The following CTNNA2 variants were observed in gnomAD, a reference collection of about 807,000 sequenced individuals.
CTNNA2 encodes catenin alpha 2.
CTNNA2 carries 42 observed loss-of-function variants against 101.0 expected under a neutral mutation model. The observed-to-expected ratio is 0.42, with a 90% CI of 0.32 to 0.54. CTNNA2 has a LOEUF of 0.54. Among genes scored for constraint, CTNNA2 ranks in the 20% least tolerant of loss-of-function variants. The probability of loss-of-function intolerance (pLI) is 0.14; values close to 1 mark genes in which losing one functional copy is unlikely to be tolerated. For missense variants in CTNNA2, 871 were observed against 1,223.1 expected (o/e 0.71, Z 4.29); for synonymous variants, 450 against 456.4 (o/e 0.99, Z 0.18).
intron 7 of CTNNA2, among the ~76,000 whole-genome samples, chr2:80,391,308 G>A (rs143481903): frequency 5.5e-4 from 84 of 152,164 alleles, no homozygotes; most frequent in Non-Finnish European, 7.9e-4. Context: ...AAAAGTGGTT[G>A]TATAGATATG....
chr2:80,003,951 G>A (rs976880079), intron 7 of CTNNA2, among the ~76,000 whole-genome samples: 2 of 152,164 alleles, frequency 1.3e-5, no homozygotes, highest in African/African-American at 4.8e-5. Flanking sequence ...GCATCACCCT[G>A]TCATCTCCCA....
At position 80,120,914 on chromosome 2, in the gene CTNNA2, A is replaced by G. The variant is rs112929869; in HGVS notation, c.1056+211117A>G. ...TGCCTCAATGATGGCCATCTTGGAT[A>G]AAACTAATAAATAAGTGGAGTGTGT... is the stretch of plus-strand genomic sequence containing the variant. On this transcript the variant is annotated intron_variant, in intron 7 of 18. Coordinates refer to ENST00000402739, the MANE Select transcript of CTNNA2 (RefSeq NM_001282597.3). Among the ~76,000 whole-genome samples the G allele has an allele frequency of 3.2e-3, 490 of 152,318 alleles. 3 individuals are homozygous for G. Among genetic ancestry groups the G allele is most frequent in the African/African-American group, 0.011 (444 of 41,578 alleles).
intron 2 of CTNNA2, among the ~76,000 whole-genome samples, chr2:79,210,426 T>C (rs900431549): frequency 6.6e-6 from 1 of 152,038 alleles, no homozygotes; most frequent in Non-Finnish European, 1.5e-5. Context: ...CCTGGAATGA[T>C]CTGATTGCCT....
chr2:79,983,953 A>G (rs1280580904), intron 7 of CTNNA2, among the ~76,000 whole-genome samples: 2 of 152,152 alleles, frequency 1.3e-5, no homozygotes, highest in East Asian at 1.9e-4. Flanking sequence ...TTTTTCAGAT[A>G]GGGACAACCT....
intron 2 of CTNNA2, among the ~76,000 whole-genome samples, chr2:79,708,553 A>G (rs185029360): frequency 6.6e-6 from 1 of 152,314 alleles, no homozygotes; most frequent in African/African-American, 2.4e-5. Context: ...AATTTAAAAA[A>G]CTACGAAATG....
chr2:79,390,025 C>T (rs1455454003), intron 4 of CTNNA2, among the ~76,000 whole-genome samples: 1 of 152,136 alleles, frequency 6.6e-6, no homozygotes, highest in Non-Finnish European at 1.5e-5. Context: ...TTCTTTCTCT[C>T]TCAACTCTTG....
intron 7 of CTNNA2, among the ~76,000 whole-genome samples, chr2:80,388,893 A>G (rs1244955074): frequency 1.3e-5 from 2 of 152,196 alleles, no homozygotes; most frequent in Admixed American, 1.3e-4. Context: ...TCAAATCCTT[A>G]GTTACTAGAC....
intron 6 of CTNNA2, among the ~76,000 whole-genome samples, chr2:79,900,194 C>G (rs1684984323): frequency 6.6e-6 from 1 of 152,018 alleles, no homozygotes; most frequent in African/African-American, 2.4e-5. Context: ...CTGTAAAATT[C>G]CAATTTTATT....
At chr2:79,494,966 G>A (rs189143298) in intron 4 of CTNNA2, among the ~76,000 whole-genome samples, 11 of 152,198 alleles carry the variant, frequency 7.2e-5, no homozygotes, top group Middle Eastern at 3.4e-3. Context: ...AGCTGGGCGT[G>A]GTTGCAGGCG....
chr2:80,579,894 C>CT (rs1695377925), intron 13 of CTNNA2, among the ~76,000 whole-genome samples: 1 of 152,212 alleles, frequency 6.6e-6, no homozygotes. Context: ...GAATGGGCAA[C>CT]TACATCATCG....
At chr2:79,470,330 C>T (rs7598481) in intron 4 of CTNNA2, among the ~76,000 whole-genome samples, 12,425 of 152,112 alleles carry the variant, frequency 0.082, 971 homozygotes, top group East Asian at 0.25. Flanking sequence ...AAACAATGCC[C>T]TGTCTCTAAA....
At chr2:79,648,966 T>C (rs939826791) in intron 1 of CTNNA2, among the ~76,000 whole-genome samples, 2 of 152,196 alleles carry the variant, frequency 1.3e-5, no homozygotes, top group Admixed American at 6.5e-5. Context: ...CTAAAAAGAT[T>C]GATCCTCAAA....
intron 2 of CTNNA2, among the ~76,000 whole-genome samples, chr2:79,202,906 G>A (rs1424583712): frequency 3.9e-5 from 6 of 152,138 alleles, no homozygotes; most frequent in Non-Finnish European, 8.8e-5. Context: ...AAAGCTTTGA[G>A]GTGAAAGAAG....
At chr2:79,954,578 G>T (rs1191278880) in intron 7 of CTNNA2, among the ~76,000 whole-genome samples, 1 of 152,152 alleles carries the variant, frequency 6.6e-6, no homozygotes, top group Admixed American at 6.5e-5. Flanking sequence ...CCTTCCAAGA[G>T]CATAATTAGA....
At chr2:79,271,272 T>C (rs1675076390) in intron 2 of CTNNA2, among the ~76,000 whole-genome samples, 1 of 152,018 alleles carries the variant, frequency 6.6e-6, no homozygotes, top group Non-Finnish European at 1.5e-5. Context: ...GTGGCCTTTA[T>C]ATGGGTGATA....
chr2:79,784,065 T>C (rs1371278570), intron 3 of CTNNA2, among the ~76,000 whole-genome samples: 3 of 152,168 alleles, frequency 2.0e-5, no homozygotes, highest in Admixed American at 6.5e-5. Flanking sequence ...CTAGAATAGA[T>C]CACGGTTTAT....
chr2:79,190,126 C>A (rs1326688266), intron 1 of CTNNA2, among the ~76,000 whole-genome samples: 1 of 152,026 alleles, frequency 6.6e-6, no homozygotes, highest in Admixed American at 6.6e-5. Flanking sequence ...CTCCTCTGAC[C>A]CATGGATTGT....
intron 7 of CTNNA2, among the ~76,000 whole-genome samples, chr2:80,137,849 G>A (rs1022185207): frequency 3.3e-5 from 5 of 152,032 alleles, no homozygotes; most frequent in African/African-American, 1.2e-4. Flanking sequence ...AAACAACAAA[G>A]TATTGTGAAT....
intron 7 of CTNNA2, among the ~76,000 whole-genome samples, chr2:79,961,323 T>A (rs1169683496): frequency 6.6e-6 from 1 of 152,176 alleles, no homozygotes; most frequent in African/African-American, 2.4e-5. Flanking sequence ...GCCCCAGTAC[T>A]GTCCCTTGCA....
Sources: gnomAD v4.1 joint callset for allele counts (sites outside exome capture counted in the v4.1 genomes callset) on GRCh38, gnomAD v4.1.1 for gene constraint, MANE v1.5 for transcripts, NCBI Gene and HGNC (gene_info 2026-07-23, HGNC 2026-07-21) for gene names.